TFPI: variants seen among roughly 807,000 people sequenced by gnomAD.
The protein encoded by TFPI is tissue factor pathway inhibitor.
A neutral mutation model predicts 34.6 loss-of-function variants in TFPI; 15 were observed. That is an observed-to-expected ratio of 0.43 (90% confidence interval 0.29 to 0.67). The LOEUF is 0.67. TFPI is among the 30% of genes least tolerant of loss of function. The probability of loss-of-function intolerance (pLI) is 0.15; values close to 1 mark genes in which losing one functional copy is unlikely to be tolerated. For missense variants in TFPI, 301 were observed against 364.0 expected (o/e 0.83, Z 1.41); for synonymous variants, 105 against 120.1 (o/e 0.87, Z 0.82).
rs1341401839 is a variant in TFPI, at chr2:187,484,714, G to A, written c.535+97C>T. 7.2e-6 allele frequency: 8 copies of A among 1,114,908 alleles called. No homozygotes were observed. In the Admixed American group the frequency reaches 2.5e-4, roughly 35 times the overall value. 69.1% of individuals were successfully genotyped at this position (1,114,908 alleles called of 1,614,324 possible). ...ACACAAATATATCTTCATTTGCATGGCTCAAACAAAACCTGAGTATAGAAT... is the reference window on the plus strand; with the variant it reads ...ACACAAATATATCTTCATTTGCATGACTCAAACAAAACCTGAGTATAGAAT... On this transcript the variant is annotated intron_variant, in intron 5 of 7. Coordinates refer to ENST00000233156, the MANE Select transcript of TFPI (RefSeq NM_006287.6).
At chr2:187,498,891 A>T (rs926584198) in intron 2 of TFPI, among the ~76,000 whole-genome samples, 2 of 151,986 alleles carry the variant, frequency 1.3e-5, no homozygotes, top group African/African-American at 4.8e-5. Flanking sequence ...CAAATCTTTA[A>T]CTAAAGTTGA....
chr2:187,477,873 C>A (rs1330413378), intron 6 of TFPI, among the ~76,000 whole-genome samples: 1 of 152,088 alleles, frequency 6.6e-6, no homozygotes, highest in Non-Finnish European at 1.5e-5. Flanking sequence ...GATAGAGTTT[C>A]AAGTAGCAAA....
At chr2:187,520,788 A>T (rs537132520) in intron 1 of TFPI, among the ~76,000 whole-genome samples, 4 of 152,072 alleles carry the variant, frequency 2.6e-5, no homozygotes, top group Non-Finnish European at 5.9e-5. Flanking sequence ...GTATGGACTC[A>T]TGGATATATA....
At chr2:187,501,554 A>G (rs1397157330) in intron 2 of TFPI, among the ~76,000 whole-genome samples, 1 of 152,082 alleles carries the variant, frequency 6.6e-6, no homozygotes, top group Non-Finnish European at 1.5e-5. Flanking sequence ...GTGTCAGAAA[A>G]TGTGCCAGAT....
chr2:187,468,647 G>A (rs982190846), intron 6 of TFPI, among the ~76,000 whole-genome samples: 1 of 152,034 alleles, frequency 6.6e-6, no homozygotes, highest in Non-Finnish European at 1.5e-5. Flanking sequence ...TCAATCAATG[G>A]TTTTCAAAAA....
chr2:187,532,740 C>A (rs1361131321), intron 1 of TFPI, among the ~76,000 whole-genome samples: 1 of 152,078 alleles, frequency 6.6e-6, no homozygotes, highest in East Asian at 1.9e-4. Flanking sequence ...GAACCATCAT[C>A]CCCTGGAAAG....
chr2:187,482,542 G>A (rs1304735070), intron 6 of TFPI, among the ~76,000 whole-genome samples: 1 of 151,926 alleles, frequency 6.6e-6, no homozygotes, highest in African/African-American at 2.4e-5. Flanking sequence ...TGAATGTAAG[G>A]ACCTGAAGTC....
chr2:187,480,544 G>GT (rs1313548008), intron 6 of TFPI, among the ~76,000 whole-genome samples: 3 of 152,240 alleles, frequency 2.0e-5, no homozygotes, highest in African/African-American at 7.2e-5. Flanking sequence ...AGGCTCAAAG[G>GT]TTTTTTATCT....
At chr2:187,527,448 A>G (rs1305140330) in intron 1 of TFPI, among the ~76,000 whole-genome samples, 1 of 152,130 alleles carries the variant, frequency 6.6e-6, no homozygotes, top group East Asian at 1.9e-4. Context: ...TGGGAATGCA[A>G]ATGTTTGAGC....
chr2:187,546,133 CATA>C (rs1688845548), intron 1 of TFPI, among the ~76,000 whole-genome samples: 1 of 152,006 alleles, frequency 6.6e-6, no homozygotes, highest in Admixed American at 6.5e-5. Context: ...AAAAGAAACA[CATA>C]ATAAAGGAAA....
At chr2:187,527,674 G>A (rs1052192567) in intron 1 of TFPI, among the ~76,000 whole-genome samples, 34 of 152,130 alleles carry the variant, frequency 2.2e-4, no homozygotes, top group African/African-American at 8.0e-4. Context: ...AAATTTGGCT[G>A]TATGCTGAAT....
intron 1 of TFPI, chr2:187,514,979 T>C (rs773408602): frequency 6.6e-6 from 1 of 152,382 alleles, no homozygotes; most frequent in South Asian, 2.1e-4. Flanking sequence ...GAAAAACTCA[T>C]GTCGGCCCTA....
chr2:187,503,333 T>C (rs183037443), intron 2 of TFPI, among the ~76,000 whole-genome samples: 15 of 152,246 alleles, frequency 9.9e-5, no homozygotes, highest in African/African-American at 3.1e-4. Context: ...GAGTTGTTTT[T>C]ACAACATTTT....
intron 6 of TFPI, among the ~76,000 whole-genome samples, chr2:187,468,210 A>G (rs1691824689): frequency 6.6e-6 from 1 of 151,990 alleles, no homozygotes; most frequent in Non-Finnish European, 1.5e-5. Context: ...CTATTTGTAC[A>G]TAATAAAAAC....
intron 1 of TFPI, among the ~76,000 whole-genome samples, chr2:187,533,514 T>C (rs547847943): frequency 6.6e-6 from 1 of 152,246 alleles, no homozygotes; most frequent in South Asian, 2.1e-4. Flanking sequence ...AAAGGAATAG[T>C]ATTAACATCA....
At chr2:187,532,503 G>C (rs1162450851) in intron 1 of TFPI, among the ~76,000 whole-genome samples, 1 of 152,230 alleles carries the variant, frequency 6.6e-6, no homozygotes, top group Non-Finnish European at 1.5e-5. Context: ...CCCTAGCCAA[G>C]GGAAGCCGTG....
chr2:187,523,994 G>A (rs1221205099), intron 1 of TFPI, among the ~76,000 whole-genome samples: 1 of 152,012 alleles, frequency 6.6e-6, no homozygotes. Context: ...TTAGTTAAAT[G>A]GAATAATATA....
Position 187,465,962 on chromosome 2 carries a change from A to C in TFPI, c.*974T>G, listed in dbSNP as rs1691703896. ...TCCAGCAAAATATTAAATCCCCAAGAATGACTAGCACATGAATTTTCTAGT... is the reference window on the plus strand; with the variant it reads ...TCCAGCAAAATATTAAATCCCCAAGCATGACTAGCACATGAATTTTCTAGT... On this transcript the variant is annotated 3_prime_UTR_variant, in exon 8 of 8. Coordinates refer to ENST00000233156, the MANE Select transcript of TFPI (RefSeq NM_006287.6). 1 of 152,180 alleles carries C rather than the reference A, an allele frequency of 6.6e-6. No homozygotes were observed. The allele number at this position is 152,180 out of a possible 1,614,324, so 9.4% of individuals were successfully genotyped here. A position where few individuals can be genotyped will look rare whatever the true frequency, so the allele number is the denominator to read the frequency against.
chr2:187,512,277 TAAAA>T (rs143585752), intron 1 of TFPI, among the ~76,000 whole-genome samples: 2 of 110,360 alleles, frequency 1.8e-5, no homozygotes, highest in Admixed American at 9.7e-5. Flanking sequence ...TATCCTAAGT[TAAAA>T]AAAAAAAAAA....
Sources: gnomAD v4.1 joint callset for allele counts (sites outside exome capture counted in the v4.1 genomes callset) on GRCh38, gnomAD v4.1.1 for gene constraint, MANE v1.5 for transcripts, NCBI Gene and HGNC (gene_info 2026-07-23, HGNC 2026-07-21) for gene names.